The following ARHGAP15 variants were observed in gnomAD, a reference collection of about 807,000 sequenced individuals.
The protein encoded by ARHGAP15 is rho GTPase-activating protein 15.
In ARHGAP15, 51 loss-of-function variants were observed where a neutral mutation model predicts 63.7. The ratio of observed to expected loss-of-function variants is 0.80; its 90% confidence interval spans 0.64 to 1.01. The LOEUF is 1.01. Ranked by LOEUF, ARHGAP15 falls within the 50% of genes least tolerant of loss-of-function variation. The pLI, the probability that ARHGAP15 is intolerant of heterozygous loss-of-function variation, is 0.00. For synonymous variants in ARHGAP15, 191 were observed against 193.8 expected (o/e 0.99, Z 0.12); for missense variants, 560 against 564.6 (o/e 0.99, Z 0.08).
chr2:143,154,506 A>AGT (rs1293940139), intron 1 of ARHGAP15, among the ~76,000 whole-genome samples: 1 of 151,900 alleles, frequency 6.6e-6, no homozygotes, highest in African/African-American at 2.4e-5. Flanking sequence ...CACTGTACAC[A>AGT]GTGCTCGGAG....
chr2:143,768,298 TTAA>T lies in ARHGAP15; in HGVS notation c.*128_*130del. The stretch of plus-strand genomic sequence containing the variant: ...GACAGATGCCTCATTTTGTGAAAAC[TTAA>T]TGATGATTTTGTGTTTAAGTTCCAA... On this transcript the variant is annotated 3_prime_UTR_variant, in exon 14 of 14. Transcript: ENST00000295095. 2.3e-6 allele frequency: 2 copies of T among 878,056 alleles called. No individual in the cohort carries two copies. Among genetic ancestry groups the T allele is most frequent in the Non-Finnish European group, 1.7e-6 (1 of 582,012 alleles). The allele number at this position is 878,056 out of a possible 1,614,324, so 54.4% of individuals were successfully genotyped here. A position where few individuals can be genotyped will look rare whatever the true frequency, so the allele number is the denominator to read the frequency against.
At chr2:143,286,702 G>T (rs1297216381) in intron 6 of ARHGAP15, among the ~76,000 whole-genome samples, 3 of 152,134 alleles carry the variant, frequency 2.0e-5, no homozygotes, top group Admixed American at 6.5e-5. Context: ...AAATGCATCG[G>T]CAGGAAATCA....
intron 1 of ARHGAP15, among the ~76,000 whole-genome samples, chr2:143,155,067 A>G (rs1690023874): frequency 6.6e-6 from 1 of 151,904 alleles, no homozygotes; most frequent in African/African-American, 2.4e-5. Context: ...TTCACCAAGA[A>G]TGGGTGCTGA....
chr2:143,335,222 C>G (rs1684719405), intron 6 of ARHGAP15, among the ~76,000 whole-genome samples: 1 of 152,178 alleles, frequency 6.6e-6, no homozygotes, highest in Non-Finnish European at 1.5e-5. Context: ...TGATCTTGAC[C>G]TATAGCCAGC....
At chr2:143,369,236 G>A (rs1234401164) in intron 6 of ARHGAP15, among the ~76,000 whole-genome samples, 1 of 151,972 alleles carries the variant, frequency 6.6e-6, no homozygotes, top group Non-Finnish European at 1.5e-5. Flanking sequence ...ATCTAATTCA[G>A]TGATACTTAT....
intron 11 of ARHGAP15, among the ~76,000 whole-genome samples, chr2:143,611,815 G>T (rs1290047060): frequency 1.3e-5 from 2 of 152,138 alleles, no homozygotes; most frequent in African/African-American, 2.4e-5. Flanking sequence ...TTACATGTAA[G>T]ATAACTTGCA....
rs1050019241 is a variant in ARHGAP15, at chr2:143,417,028, G to A, written c.475-18573G>A. On this transcript the variant is annotated intron_variant, in intron 6 of 13. Coordinates refer to ENST00000295095, the MANE Select transcript of ARHGAP15 (RefSeq NM_018460.4). ...TCTGCGAAGTCTCTGTGGTTGAGGT[G>A]CTCCTTTCCTTTTTTGCTTCTTAGA... Among the ~76,000 whole-genome samples the A allele has an allele frequency of 2.0e-5, 3 of 152,230 alleles. 1 individual carries two copies. The highest frequency in any genetic ancestry group is 4.2e-4 in the South Asian group (2 of 4,818).
At chr2:143,630,400 T>C (rs959869991) in intron 12 of ARHGAP15, among the ~76,000 whole-genome samples, 1 of 152,110 alleles carries the variant, frequency 6.6e-6, no homozygotes, top group Non-Finnish European at 1.5e-5. Flanking sequence ...TTGATCAAAT[T>C]ACAATATTCA....
intron 13 of ARHGAP15, among the ~76,000 whole-genome samples, chr2:143,738,796 A>G (rs1412913353): frequency 6.6e-6 from 1 of 152,218 alleles, no homozygotes; most frequent in Non-Finnish European, 1.5e-5. Flanking sequence ...ACACAGACTG[A>G]TATGTCCTTA....
intron 6 of ARHGAP15, among the ~76,000 whole-genome samples, chr2:143,325,730 G>A (rs937334223): frequency 4.6e-5 from 7 of 151,984 alleles, no homozygotes; most frequent in Non-Finnish European, 1.0e-4. Context: ...ATCACTCTAA[G>A]CCTCTCTTTC....
intron 3 of ARHGAP15, among the ~76,000 whole-genome samples, chr2:143,206,002 T>C (rs749770533): frequency 2.6e-5 from 4 of 152,068 alleles, no homozygotes; most frequent in Admixed American, 1.3e-4. Context: ...TTTCAAATTT[T>C]CTACAGCATC....
At chr2:143,357,035 A>G (rs1458055826) in intron 6 of ARHGAP15, among the ~76,000 whole-genome samples, 1 of 152,198 alleles carries the variant, frequency 6.6e-6, no homozygotes, top group African/African-American at 2.4e-5. Context: ...ACCGGTCAGC[A>G]TTAAAGATTT....
intron 6 of ARHGAP15, among the ~76,000 whole-genome samples, chr2:143,394,392 A>G (rs570334525): frequency 2.6e-5 from 4 of 152,230 alleles, no homozygotes; most frequent in Non-Finnish European, 5.9e-5. Flanking sequence ...AATTGTGGAC[A>G]TAAGAAAGAC....
At chr2:143,160,935 T>G (rs1690269204) in intron 2 of ARHGAP15, among the ~76,000 whole-genome samples, 1 of 151,990 alleles carries the variant, frequency 6.6e-6, no homozygotes, top group Non-Finnish European at 1.5e-5. Context: ...ACCGTTTCCA[T>G]CTTAACCTGA....
intron 9 of ARHGAP15, among the ~76,000 whole-genome samples, chr2:143,504,744 A>T (rs937011645): frequency 1.3e-5 from 2 of 152,076 alleles, no homozygotes; most frequent in Non-Finnish European, 2.9e-5. Flanking sequence ...TTATACCCTT[A>T]CTACCCACAA....
intron 13 of ARHGAP15, among the ~76,000 whole-genome samples, chr2:143,722,895 T>A (rs1450172802): frequency 1.3e-5 from 2 of 152,192 alleles, no homozygotes; most frequent in Non-Finnish European, 2.9e-5. Context: ...GAATCTGACA[T>A]CTCAGGCTAT....
intron 6 of ARHGAP15, among the ~76,000 whole-genome samples, chr2:143,426,348 A>G (rs1689136775): frequency 6.6e-6 from 1 of 152,126 alleles, no homozygotes; most frequent in African/African-American, 2.4e-5. Flanking sequence ...AAATATTTAA[A>G]TCCCAGAAGC....
At chr2:143,132,464 T>C (rs1455642694) in intron 1 of ARHGAP15, among the ~76,000 whole-genome samples, 3 of 152,220 alleles carry the variant, frequency 2.0e-5, no homozygotes, top group Non-Finnish European at 4.4e-5. Context: ...TCCTACTGAG[T>C]TGATCCTTTC....
chr2:143,549,737 C>G (rs1695477179), intron 10 of ARHGAP15, among the ~76,000 whole-genome samples: 1 of 152,198 alleles, frequency 6.6e-6, no homozygotes, highest in Non-Finnish European at 1.5e-5. Context: ...TCTTCTCCAA[C>G]AGAATTAGAT....
Sources: allele counts gnomAD v4.1 joint callset (sites outside exome capture counted in the v4.1 genomes callset), GRCh38; gene constraint gnomAD v4.1.1; transcripts MANE v1.5; gene names NCBI Gene and HGNC (gene_info 2026-07-23, HGNC 2026-07-21).